The following FAAH2 variants were observed in gnomAD, a reference collection of about 807,000 sequenced individuals.
FAAH2 encodes the protein fatty acid amide hydrolase 2, also known as fatty-acid amide hydrolase 2.
In FAAH2, 60 loss-of-function variants were observed where a neutral mutation model predicts 36.9. The ratio of observed to expected loss-of-function variants is 1.63; its 90% confidence interval spans 1.32 to 2.02. The LOEUF is 2.02. Ranked by LOEUF, FAAH2 falls within the 30% of genes most tolerant of loss-of-function variation. FAAH2 has a pLI of 0.00. For missense variants in FAAH2, 689 were observed against 397.5 expected (o/e 1.73, Z -6.23); for synonymous variants, 214 against 143.8 (o/e 1.49, Z -3.49).
At chrX:57,407,779 G>A (rs190775081) in intron 7 of FAAH2, among the ~76,000 whole-genome samples, 10 of 111,913 alleles carry the variant, frequency 8.9e-5, no homozygotes, top group Non-Finnish European at 5.6e-5. Flanking sequence ...CTGAGAACTG[G>A]CAAGTCTTAT....
intron 7 of FAAH2, among the ~76,000 whole-genome samples, chrX:57,420,662 G>C (rs2055994205): frequency 9.2e-6 from 1 of 108,899 alleles, no homozygotes; most frequent in African/African-American, 3.3e-5. Context: ...CATGTCATCT[G>C]CAAACAGGGA....
At position 57,443,231 on chromosome X, in the gene FAAH2, G is replaced by A. The variant is rs751536458; in HGVS notation, c.1117-3697G>A. 1.3e-4 allele frequency among the ~76,000 whole-genome samples: 14 copies of A among 111,802 alleles called. No homozygotes were observed. The East Asian group carries it at 1.4e-3, about 11-fold the overall frequency. On this transcript the variant is annotated intron_variant, in intron 8 of 10. Coordinates refer to ENST00000374900, the MANE Select transcript of FAAH2 (RefSeq NM_174912.4). ...TTTCCAACTTGATTCCATTCTCACC[G>A]TCACTTTCAGGTACACCAATCAGAT...
At chrX:57,257,788 C>T in the FAAH2 span, among the ~76,000 whole-genome samples, 1 of 109,606 alleles carries the variant, frequency 9.1e-6, no homozygotes, top group Non-Finnish European at 1.9e-5. Context: ...AATCTGGACC[C>T]CAAAATCTAT....
At chrX:57,480,071 G>T (rs1027299202) in intron 10 of FAAH2, among the ~76,000 whole-genome samples, 1 of 111,311 alleles carries the variant, frequency 9.0e-6, no homozygotes, top group East Asian at 2.8e-4. Context: ...GGAAGAAGTT[G>T]ACTCTCTGAA....
At chrX:57,381,342 T>C (rs989549340) in intron 7 of FAAH2, among the ~76,000 whole-genome samples, 13 of 111,395 alleles carry the variant, frequency 1.2e-4, no homozygotes, top group Non-Finnish European at 2.3e-4. Flanking sequence ...TAGATGTAAA[T>C]TTTAGGTAAT....
rs760620162 is a variant in FAAH2, at chrX:57,382,481, T to A, written c.996+1452T>A. Among the ~76,000 whole-genome samples, 7 of 111,568 alleles carry A rather than the reference T, an allele frequency of 6.3e-5. No individual in the cohort carries two copies. The East Asian group carries it at 1.4e-3, about 22-fold the overall frequency. ...AGAATCAAATAGACGCAATAAAAAA[T>A]TATGAAGGGGATATCACCACCAATC... On this transcript the variant is annotated intron_variant, in intron 7 of 10. Transcript: ENST00000374900.
the FAAH2 span, among the ~76,000 whole-genome samples, chrX:57,248,059 G>A: frequency 8.9e-6 from 1 of 111,871 alleles, no homozygotes; most frequent in African/African-American, 3.3e-5. Flanking sequence ...TCCAAATAAA[G>A]TATCTAGCTA....
the FAAH2 span, among the ~76,000 whole-genome samples, chrX:57,213,920 T>G: frequency 8.9e-6 from 1 of 111,891 alleles, no homozygotes; most frequent in Non-Finnish European, 1.9e-5. Context: ...AATGAGGTGT[T>G]GAAGTCCCCT....
intron 7 of FAAH2, chrX:57,393,636 C>A: frequency 2.1e-6 from 2 of 943,885 alleles, no homozygotes; most frequent in Non-Finnish European, 3.1e-6. Flanking sequence ...ACCCCCAGAT[C>A]TTCAGCACTG....
the FAAH2 span, among the ~76,000 whole-genome samples, chrX:57,177,974 A>T: frequency 9.0e-6 from 1 of 110,841 alleles, no homozygotes. Context: ...TAAGAGTAGC[A>T]GTCCCTGAGG....
At chrX:57,328,427 A>G (rs1031795622) in intron 3 of FAAH2, among the ~76,000 whole-genome samples, 1 of 111,374 alleles carries the variant, frequency 9.0e-6, no homozygotes, top group African/African-American at 3.3e-5. Flanking sequence ...TTTTTTTTCT[A>G]TACTGACTAT....
intron 7 of FAAH2, among the ~76,000 whole-genome samples, chrX:57,390,758 A>G (rs1487150200): frequency 1.8e-5 from 2 of 111,646 alleles, no homozygotes; most frequent in Non-Finnish European, 3.8e-5. Flanking sequence ...CATGACTGCT[A>G]TTGTAAATAG....
chrX:57,174,443 T>A, the FAAH2 span, among the ~76,000 whole-genome samples: 2 of 111,840 alleles, frequency 1.8e-5, no homozygotes, highest in South Asian at 7.3e-4. Flanking sequence ...ATGTCCCAAT[T>A]TTCATTTCTA....
the FAAH2 span, among the ~76,000 whole-genome samples, chrX:57,150,373 C>T: frequency 9.0e-6 from 1 of 111,530 alleles, no homozygotes; most frequent in Admixed American, 9.5e-5. Flanking sequence ...TAAAGTCTCC[C>T]ATTATTATTG....
At chrX:57,420,157 C>A (rs1270351398) in intron 7 of FAAH2, among the ~76,000 whole-genome samples, 1 of 111,603 alleles carries the variant, frequency 9.0e-6, no homozygotes, top group East Asian at 2.8e-4. Flanking sequence ...TAGCATGATG[C>A]CTCCAGCTTT....
intron 7 of FAAH2, among the ~76,000 whole-genome samples, chrX:57,422,813 C>T (rs2056070285): frequency 8.9e-6 from 1 of 112,086 alleles, no homozygotes; most frequent in Admixed American, 9.4e-5. Flanking sequence ...CCACACCCAC[C>T]TGAAAATAGC....
chrX:57,271,501 C>T, the FAAH2 span, among the ~76,000 whole-genome samples: 1 of 112,268 alleles, frequency 8.9e-6, no homozygotes, highest in African/African-American at 3.2e-5. Flanking sequence ...CAACAGACAT[C>T]TCTTACAGGA....
intron 10 of FAAH2, among the ~76,000 whole-genome samples, chrX:57,479,284 CTGTT>C (rs1488735019): frequency 9.0e-5 from 10 of 111,635 alleles, no homozygotes; most frequent in South Asian, 3.7e-4. Flanking sequence ...ATTTGGCTCT[CTGTT>C]TGTCTGTTAT....
At chrX:57,411,231 G>A (rs928895007) in intron 7 of FAAH2, among the ~76,000 whole-genome samples, 1 of 111,858 alleles carries the variant, frequency 8.9e-6, no homozygotes, top group Non-Finnish European at 1.9e-5. Flanking sequence ...AGCGAGACCT[G>A]GTGCTCTGAC....
Sources: allele counts gnomAD v4.1 joint callset (sites outside exome capture counted in the v4.1 genomes callset), GRCh38; gene constraint gnomAD v4.1.1; transcripts MANE v1.5; gene names NCBI Gene and HGNC (gene_info 2026-07-23, HGNC 2026-07-21).